IPO11: variants seen among roughly 807,000 people sequenced by gnomAD.
IPO11 encodes the protein importin 11.
A neutral mutation model predicts 143.2 loss-of-function variants in IPO11; 66 were observed. That is an observed-to-expected ratio of 0.46 (90% confidence interval 0.38 to 0.57). The LOEUF is 0.57. Ranked by LOEUF, IPO11 falls within the 20% of genes least tolerant of loss-of-function variation. The pLI, the probability that IPO11 is intolerant of heterozygous loss-of-function variation, is 0.00. For missense variants in IPO11, 1,026 were observed against 1,141.0 expected, an observed-to-expected ratio of 0.90 and a Z score of 1.45; for synonymous variants, 385 against 377.8, an observed-to-expected ratio of 1.02 and a Z score of -0.22.
In IPO11 at chr5:62,433,146, G is replaced by T. The variant is rs796694621; in HGVS notation, c.-6-4128G>T. ...TTTACTCTAATTTTGGCACCTTTTTGTTTTTTGTTTTTTTTTTAAAGTCAA... is the reference window on the plus strand; with the variant it reads ...TTTACTCTAATTTTGGCACCTTTTTTTTTTTTGTTTTTTTTTTAAAGTCAA... On this transcript the variant is annotated intron_variant, in intron 1 of 29. Coordinates refer to ENST00000325324, the MANE Select transcript of IPO11 (RefSeq NM_016338.5). Among the ~76,000 whole-genome samples, 400 of 135,412 alleles carry T rather than the reference G, an allele frequency of 3.0e-3. 1 individual carries two copies. The highest frequency in any genetic ancestry group is 8.7e-3 in the African/African-American group (319 of 36,552). The allele number at this position is 135,412 out of a possible 152,430, so 88.8% of individuals were successfully genotyped here. A position where few individuals can be genotyped will look rare whatever the true frequency, so the allele number is the denominator to read the frequency against.
In IPO11 at chr5:62,451,743, T is replaced by C. The variant is rs370788901; in HGVS notation, c.326T>C (p.Ile109Thr). ...TTTTCCTTTCAGATTGCAACTCAGA[T>C]TGCAGTGCTCATTGCAAAAGTTGCT... ...NEPINQIATQ[I>T]AVLIAKVARL... The change falls in exon 5 of 30, where the codon ATT becomes ACT. Residue 109 changes from isoleucine (I) to threonine (T), a missense_variant. Physicochemically the swap from Ile to Thr is moderately conservative, Grantham distance 89. Around this residue, in one of 5 missense-constraint regions of IPO11, gnomAD observed 429 missense variants for 456.3 expected, o/e 0.94. Transcript: ENST00000325324. The C allele has an allele frequency of 1.2e-5, 19 of 1,613,922 alleles. No individual in the cohort carries two copies. Among genetic ancestry groups the C allele is most frequent in the Non-Finnish European group, 2.5e-6 (3 of 1,179,920 alleles).
In IPO11 at chr5:62,485,453, T is replaced by A; in HGVS notation, c.1209T>A (p.Tyr403Ter). 6.2e-7 allele frequency: 1 copy of A among 1,607,782 alleles called. No homozygotes were observed. The highest frequency in any genetic ancestry group is 1.1e-5 in the South Asian group (1 of 90,908). Residue 403 changes from tyrosine to a stop codon, truncating the protein, a stop_gained, in exon 12 of 30, where the codon TAT (tyrosine) becomes TAA (stop). Coordinates refer to ENST00000325324, the MANE Select transcript of IPO11 (RefSeq NM_016338.5). LOFTEE classifies it high-confidence loss of function. Reference sequence around the variant, plus strand: ...AAACAGGAGGAGATTCTTGGAAATATAGTTTGAGGGTAAGTATTAATTGCA... The same window carrying A: ...AAACAGGAGGAGATTCTTGGAAATAAAGTTTGAGGGTAAGTATTAATTGCA... ...VEETGGDSWK[Y>*]SLRPCTEVLF... is the part of the protein sequence containing the mutation.
chr5:62,551,035 A>ATT (rs1438196851), intron 25 of IPO11, among the ~76,000 whole-genome samples, 188 bp from the exon 26 acceptor site: 1 of 150,540 alleles, frequency 6.6e-6, no homozygotes, highest in Non-Finnish European at 1.5e-5. Flanking sequence ...ATATATATAT[A>ATT]TATGGTGCAT....
chr5:62,593,365 T>G (rs1394989722), intron 28 of IPO11, among the ~76,000 whole-genome samples: 1 of 152,120 alleles, frequency 6.6e-6, no homozygotes, highest in Admixed American at 6.6e-5. Flanking sequence ...CCCTGAAAAG[T>G]TAGCTGGGCA....
At chr5:62,557,074 G>T (rs1398981561) in intron 26 of IPO11, among the ~76,000 whole-genome samples, 1 of 152,056 alleles carries the variant, frequency 6.6e-6, no homozygotes, top group East Asian at 1.9e-4. Context: ...CACCTCAGTC[G>T]CCTAGATCCC....
intron 1 of IPO11, among the ~76,000 whole-genome samples, chr5:62,416,769 G>A (rs1300777569): frequency 1.4e-5 from 2 of 147,632 alleles, no homozygotes; most frequent in Non-Finnish European, 3.0e-5. Flanking sequence ...CTGTTTCTCA[G>A]GCTTGAGTGC....
chr5:62,609,869 G>GT, intron 29 of IPO11, among the ~76,000 whole-genome samples: 1 of 152,362 alleles, frequency 6.6e-6, no homozygotes, highest in African/African-American at 2.4e-5. Flanking sequence ...TCTAACTGTT[G>GT]TGTGTCCAGG....
At chr5:62,460,170 A>G (rs1745305078) in intron 5 of IPO11, among the ~76,000 whole-genome samples, 1 of 152,252 alleles carries the variant, frequency 6.6e-6, no homozygotes, top group Non-Finnish European at 1.5e-5. Flanking sequence ...GTAATTTAAT[A>G]TCATTTAATA....
intron 28 of IPO11, among the ~76,000 whole-genome samples, chr5:62,596,020 A>C (rs1358612181): frequency 6.6e-6 from 1 of 151,456 alleles, no homozygotes; most frequent in Non-Finnish European, 1.5e-5. Context: ...GCACTTTAGG[A>C]GGCCGAGACG....
At chr5:62,585,678 C>T (rs887989545) in intron 27 of IPO11, among the ~76,000 whole-genome samples, 1 of 151,750 alleles carries the variant, frequency 6.6e-6, no homozygotes, top group Non-Finnish European at 1.5e-5. Context: ...TCTAGTGTGC[C>T]GTATAGAGAA....
chr5:62,488,123 A>G (rs1050644995), intron 13 of IPO11, among the ~76,000 whole-genome samples: 1 of 152,160 alleles, frequency 6.6e-6, no homozygotes, highest in African/African-American at 2.4e-5. Flanking sequence ...CTGCTTGCAG[A>G]AAGTCTATCT....
At chr5:62,493,769 A>G (rs1358687885) in intron 15 of IPO11, among the ~76,000 whole-genome samples, 1 of 152,106 alleles carries the variant, frequency 6.6e-6, no homozygotes, top group South Asian at 2.1e-4. Flanking sequence ...GGGTTTCACC[A>G]TGTTGCCCAG....
chr5:62,605,633 C>CACT (rs1451522088), intron 29 of IPO11, among the ~76,000 whole-genome samples: 2 of 151,742 alleles, frequency 1.3e-5, no homozygotes, highest in Non-Finnish European at 2.9e-5. Context: ...GACTCATAGT[C>CACT]ACTTGTAAGT....
rs1191345269 is a variant in IPO11 at position 62,622,353 on chromosome 5, A to C, written c.2764-4801A>C. On this transcript the variant is annotated intron_variant, in intron 29 of 29. Coordinates refer to ENST00000325324, the MANE Select transcript of IPO11 (RefSeq NM_016338.5). ...CCCTTATGCTGCCAAGTGAAGAACTATTGTATAAAGATTTGTTGTGACTTT... is the reference window on the plus strand; with the variant it reads ...CCCTTATGCTGCCAAGTGAAGAACTCTTGTATAAAGATTTGTTGTGACTTT... 2.6e-5 allele frequency among the ~76,000 whole-genome samples: 4 copies of C among 152,180 alleles called. No individual in the cohort carries two copies. In the South Asian group the frequency reaches 8.3e-4, roughly 32 times the overall value.
chr5:62,509,591 A>G (rs1741676947), intron 19 of IPO11, among the ~76,000 whole-genome samples: 1 of 152,116 alleles, frequency 6.6e-6, no homozygotes, highest in South Asian at 2.1e-4. Flanking sequence ...CTATAGCAGA[A>G]CCCTAAAGCT....
intron 26 of IPO11, among the ~76,000 whole-genome samples, chr5:62,556,893 TG>T (rs1333144549): frequency 1.3e-5 from 2 of 152,170 alleles, no homozygotes; most frequent in South Asian, 2.1e-4. Context: ...AGATTCCTAC[TG>T]TAATTGGTTT....
At chr5:62,608,166 C>A (rs1451040696) in intron 29 of IPO11, among the ~76,000 whole-genome samples, 2 of 152,210 alleles carry the variant, frequency 1.3e-5, no homozygotes, top group Admixed American at 6.5e-5. Context: ...ACATTTCTCT[C>A]TCATCACAGT....
At chr5:62,467,384 C>T (rs1337743141) in intron 6 of IPO11, 121 bp downstream of exon 6, 4 of 1,047,132 alleles carry the variant, frequency 3.8e-6, no homozygotes, top group Non-Finnish European at 5.5e-6. Flanking sequence ...GTTTATTTCT[C>T]CCTGAAAGAT....
chr5:62,423,089 C>T (rs1743577875), intron 1 of IPO11, among the ~76,000 whole-genome samples: 1 of 152,130 alleles, frequency 6.6e-6, no homozygotes, highest in South Asian at 2.1e-4. Context: ...TTGATATGCT[C>T]CATTTCAGTA....
Sources: allele counts gnomAD v4.1 joint callset (sites outside exome capture counted in the v4.1 genomes callset), GRCh38; gene constraint gnomAD v4.1.1; regional missense constraint gnomAD v4.1.1; transcripts MANE v1.5; gene names NCBI Gene and HGNC (gene_info 2026-07-23, HGNC 2026-07-21).